Variants in NOP53 observed in about 807,000 individuals in gnomAD.
NOP53 encodes the protein ribosome biogenesis protein NOP53.
In NOP53, 40 loss-of-function variants were observed where a neutral mutation model predicts 61.0. The ratio of observed to expected loss-of-function variants is 0.66; its 90% confidence interval spans 0.51 to 0.85. The LOEUF is 0.85. NOP53 is among the 40% of genes least tolerant of loss of function. NOP53 has a pLI of 0.00. For missense variants in NOP53, 689 were observed against 652.9 expected (o/e 1.06, Z -0.60); for synonymous variants, 308 against 289.5 (o/e 1.06, Z -0.65).
chr19:47,751,452 G>GA (rs1967123764), intron 4 of NOP53, 68 bp from the exon 5 acceptor site: 1 of 1,202,182 alleles, frequency 8.3e-7, no homozygotes, highest in African/African-American at 1.5e-5. Flanking sequence ...TGGAGGGATT[G>GA]GGGGGGAGCC....
Position 47,752,500 on chromosome 19 carries a change from T to G in NOP53, c.670-12T>G, listed in dbSNP as rs1967136513. 1.9e-6 allele frequency: 3 copies of G among 1,571,746 alleles called. No homozygotes were observed. The highest frequency in any genetic ancestry group is 2.6e-6 in the Non-Finnish European group (3 of 1,149,298). On this transcript the variant is annotated splice_polypyrimidine_tract_variant and intron_variant, in intron 5 of 12. Coordinates refer to ENST00000246802, the MANE Select transcript of NOP53 (RefSeq NM_015710.5). Reference sequence around the variant, plus strand: ...CGCACGGCCTTACCCTGCCTCGGCCTTTTCTCCACAGCGGCCAGCACGCCT... The same window carrying G: ...CGCACGGCCTTACCCTGCCTCGGCCGTTTCTCCACAGCGGCCAGCACGCCT...
chr19:47,754,946 TCCTC>T lies in NOP53; in HGVS notation c.1053+58_1053+61del. Reference sequence around the variant, plus strand: ...CTGATGCCTCGCCCCCTTCCTTCCTTCCTCCCACCATGGGCTGCCCTGGGTGCTG... The same window carrying T: ...CTGATGCCTCGCCCCCTTCCTTCCTTCCACCATGGGCTGCCCTGGGTGCTG... On this transcript the variant is annotated intron_variant, in intron 8 of 12. Coordinates refer to ENST00000246802, the MANE Select transcript of NOP53 (RefSeq NM_015710.5). This position sits in a 1 kb window ranked among gnomAD's most constrained non-coding sequence, Gnocchi z 4.2. The T allele has an allele frequency of 5.6e-6, 8 of 1,428,444 alleles. No homozygotes were observed. Among genetic ancestry groups the T allele is most frequent in the Non-Finnish European group, 7.4e-6 (8 of 1,087,040 alleles). The allele number at this position is 1,428,444 out of a possible 1,614,324, so 88.5% of individuals were successfully genotyped here.
intron 3 of NOP53, 33 bp downstream of exon 3, chr19:47,750,319 C>A (rs1322663280): frequency 1.1e-5 from 15 of 1,338,606 alleles, no homozygotes; most frequent in Non-Finnish European, 1.4e-5. Flanking sequence ...GCCCTTCTTT[C>A]CCACCAGACT....
rs1479596448 is a variant in NOP53 at position 47,745,768 on chromosome 19, AG to A, written c.211del (p.Glu71SerfsTer28). On this transcript the variant is annotated frameshift_variant, in exon 1 of 13. Transcript: ENST00000246802. LOFTEE classifies it high-confidence loss of function. ...CAGTTCCTGGAAGACGTGCGGCTAC[AG>A]GAGCGCACGAGCGGGTACGTTGGGC... ...VDQFLEDVRL[Q>X]ERTSGGLLSE... 1 of 1,569,046 alleles carries A rather than the reference AG, an allele frequency of 6.4e-7. No homozygotes were observed. The highest frequency in any genetic ancestry group is 1.4e-5 in the African/African-American group (1 of 73,156).
intron 10 of NOP53, chr19:47,756,063 C>CGG (rs1967193958): frequency 1.7e-6 from 1 of 575,524 alleles, no homozygotes; most frequent in African/African-American, 1.9e-5. Context: ...GTTGCAGTCC[C>CGG]GGTCACCTTT....
At chr19:47,755,569 G>A (rs10411523) in intron 9 of NOP53, 46 bp downstream of exon 9, 1,025,052 of 1,446,012 alleles carry the variant, frequency 0.71, 365,385 homozygotes, top group African/African-American at 0.86. Context: ...GGAGGGGGCC[G>A]GGTCCCAGGT....
At chr19:47,755,695 T>G in intron 9 of NOP53, 61 bp from the exon 10 acceptor site, 1 of 1,479,334 alleles carries the variant, frequency 6.8e-7, no homozygotes, top group Non-Finnish European at 9.3e-7. Context: ...GAGGGGGCTT[T>G]GGACTGGGTG....
At chr19:47,755,086 G>A (rs1247460594) in intron 8 of NOP53, among the ~76,000 whole-genome samples, 195 bp downstream of exon 8, 1 of 152,174 alleles carries the variant, frequency 6.6e-6, no homozygotes, top group East Asian at 1.9e-4. Flanking sequence ...CTCGGGCTGG[G>A]GTGGGACAGG....
In NOP53 at chr19:47,755,576, A is replaced by G; in HGVS notation, c.1229+53A>G. On this transcript the variant is annotated intron_variant, in intron 9 of 12. Transcript: ENST00000246802. ...GAGGCTGGGGAGGGGGCCGGGTCCC[A>G]GGTCCTGACACCTTCCTGCCTTTGT... 4.2e-6 allele frequency: 6 copies of G among 1,437,376 alleles called. No individual in the cohort carries two copies. The South Asian group carries it at 7.1e-5, about 17-fold the overall frequency. The allele number at this position is 1,437,376 out of a possible 1,614,324, so 89.0% of individuals were successfully genotyped here.
chr19:47,755,561 A>G (rs774067261), intron 9 of NOP53, 38 bp downstream of exon 9: 1 of 1,455,982 alleles, frequency 6.9e-7, no homozygotes, highest in Non-Finnish European at 9.1e-7. Flanking sequence ...GAGGCTGGGG[A>G]GGGGGCCGGG....
intron 3 of NOP53, 125 bp downstream of exon 3, chr19:47,750,411 G>C: frequency 1.5e-6 from 1 of 650,862 alleles, no homozygotes; most frequent in Non-Finnish European, 2.8e-6. Context: ...TTTGGGCTTC[G>C]GAGTGCAGAT....
At position 47,754,964 on chromosome 19, in the gene NOP53, C is replaced by T. The variant is rs1050114921; in HGVS notation, c.1053+73C>T. 9 of 1,373,958 alleles carry T rather than the reference C, an allele frequency of 6.6e-6. No homozygotes were observed. The highest frequency in any genetic ancestry group is 5.9e-5 in the African/African-American group (4 of 67,730). 85.1% of individuals were successfully genotyped at this position (1,373,958 alleles called of 1,614,324 possible). A position where few individuals can be genotyped will look rare whatever the true frequency, so the allele number is the denominator to read the frequency against. On this transcript the variant is annotated intron_variant, in intron 8 of 12. Transcript: ENST00000246802. This position sits in a 1 kb window ranked among gnomAD's most constrained non-coding sequence, Gnocchi z 4.2. ...CCTTCCTTCCTCCCACCATGGGCTGCCCTGGGTGCTGCGGGCAGCCTGCAC... is the reference window on the plus strand; with the variant it reads ...CCTTCCTTCCTCCCACCATGGGCTGTCCTGGGTGCTGCGGGCAGCCTGCAC...
Position 47,756,531 on chromosome 19 carries a change from G to A in NOP53, c.1300G>A (p.Glu434Lys), listed in dbSNP as rs377217052. 9.9e-6 allele frequency: 16 copies of A among 1,613,406 alleles called. No individual in the cohort carries two copies. The highest frequency in any genetic ancestry group is 3.3e-5 in the Admixed American group (2 of 60,000). ...GGCCTCCCTCTCTGTCCTGTAGCCC[G>A]AGGGCAACATCCTTCGAGACCGGTT... ...LTDSLRTLKP[E>K]GNILRDRFKS... The change falls in exon 11 of 13, where the codon GAG becomes AAG. Residue 434 changes from glutamate to lysine, a missense_variant. Transcript: ENST00000246802.
At chr19:47,755,273 GCTCCCTGTGTAGAGAGAAGGT>G (rs2123678641) in intron 8 of NOP53, 54 bp from the exon 9 acceptor site, 1 of 1,022,886 alleles carries the variant, frequency 9.8e-7, no homozygotes, top group Non-Finnish European at 1.3e-6. Flanking sequence ...TGCAGGGAAG[GCTCCCTGTGTAGAGAGAAGGT>G]CTCCCTGTGT....
intron 5 of NOP53, among the ~76,000 whole-genome samples, chr19:47,751,998 T>C (rs1044656510): frequency 1.3e-5 from 2 of 151,612 alleles, no homozygotes; most frequent in South Asian, 4.2e-4. Flanking sequence ...TCCCAGCTAT[T>C]AGGGAGGCTG....
At chr19:47,746,152 A>G (rs1168450869) in intron 1 of NOP53, 38 of 203,080 alleles carry the variant, frequency 1.9e-4, no homozygotes, top group East Asian at 2.3e-4. Context: ...ATATGTGTGT[A>G]TATATATATG....
chr19:47,751,517 C>T lies in NOP53; in HGVS notation c.599-3C>T, dbSNP rs764153370. The T allele has an allele frequency of 3.1e-6, 5 of 1,613,340 alleles. No individual in the cohort carries two copies. The highest frequency in any genetic ancestry group is 2.5e-6 in the Non-Finnish European group (3 of 1,179,362). On this transcript the variant is annotated splice_polypyrimidine_tract_variant and splice_region_variant and intron_variant, in intron 4 of 12. Transcript: ENST00000246802. ...CCAGCAGCTCCCCTCGCTGTATCCA[C>T]AGACCCCCTGGACAGGCCGTTGGTT...
chr19:47,751,249 T>C lies in NOP53; in HGVS notation c.598+142T>C, dbSNP rs1967121637. 6.3e-6 allele frequency: 5 copies of C among 791,430 alleles called. No individual in the cohort carries two copies. In the Admixed American group the frequency reaches 1.1e-4, roughly 17 times the overall value. The allele number at this position is 791,430 out of a possible 1,614,324, so 49.0% of individuals were successfully genotyped here. ...GACCTCCCAGCAGAGTCGTGCGTCC[T>C]GAAGGGGCGGCCGTTTCCCACTCGT... is the stretch of plus-strand genomic sequence containing the variant. On this transcript the variant is annotated intron_variant, in intron 4 of 12. Coordinates refer to ENST00000246802, the MANE Select transcript of NOP53 (RefSeq NM_015710.5).
chr19:47,753,577 C>T (rs1967150316), intron 6 of NOP53: 1 of 152,088 alleles, frequency 6.6e-6, no homozygotes, highest in African/African-American at 2.4e-5. Context: ...GATAGCTAGC[C>T]AGGAACAGAG....
Sources: gnomAD v4.1 joint callset for allele counts (sites outside exome capture counted in the v4.1 genomes callset) on GRCh38, gnomAD v4.1.1 for gene constraint, Gnocchi (gnomAD v3.1) non-coding constraint, MANE v1.5 for transcripts, NCBI Gene and HGNC (gene_info 2026-07-23, HGNC 2026-07-21) for gene names.